RUSC2: variants seen among roughly 807,000 people sequenced by gnomAD.
RUSC2 encodes the protein AP-4 complex accessory subunit RUSC2.
A neutral mutation model predicts 122.2 loss-of-function variants in RUSC2; 34 were observed. The ratio of observed to expected loss-of-function variants is 0.28; its 90% CI spans 0.21 to 0.37. The LOEUF (loss-of-function observed/expected upper bound fraction) is 0.37. RUSC2 is among the 10% of genes least tolerant of loss of function. RUSC2 has a pLI of 1.00. For synonymous variants in RUSC2, 784 were observed against 790.0 expected (o/e 0.99, Z 0.13); for missense variants, 1,747 against 1,952.4 (o/e 0.89, Z 1.98).
In RUSC2 at chr9:35,517,687, G is replaced by A. The variant is rs552965963; in HGVS notation, c.-93+27515G>A. Among the ~76,000 whole-genome samples the A allele has an allele frequency of 2.0e-5, 3 of 152,296 alleles. No homozygotes were observed. The East Asian group carries it at 5.8e-4, about 29-fold the overall frequency. On this transcript the variant is annotated intron_variant, in intron 1 of 11. Coordinates refer to ENST00000361226, the MANE Select transcript of RUSC2 (RefSeq NM_014806.5). ...AACCAGAGGTGGGGATTATAGGCCTGAAAGAAGGGCACTGCATCTCTGGGC... is the reference window on the plus strand; with the variant it reads ...AACCAGAGGTGGGGATTATAGGCCTAAAAGAAGGGCACTGCATCTCTGGGC...
intron 1 of RUSC2, among the ~76,000 whole-genome samples, chr9:35,515,730 G>A (rs1821089499): frequency 6.6e-6 from 1 of 151,988 alleles, no homozygotes; most frequent in South Asian, 2.1e-4. Context: ...CAGACACAGT[G>A]GTTCACACCT....
In RUSC2 at chr9:35,555,540, A is replaced by G. The variant is rs770115617; in HGVS notation, c.2495A>G (p.Gln832Arg). The change falls in exon 3 of 12, where the codon CAG becomes CGG. Residue 832 changes from glutamine (Q) to arginine (R), a missense_variant. Transcript: ENST00000361226. This position sits in a 1 kb window ranked among gnomAD's most constrained non-coding sequence, Gnocchi z 4.6. ...GCTGTCCGGCCTGCCACCTCCCAGC[A>G]GCCGCAGAAGGAGGATCAGAAGATA... Reference protein sequence around the residue: ...PSAVRPATSQQPQKEDQKILT... With the variant: ...PSAVRPATSQRPQKEDQKILT... 16 of 1,614,004 alleles carry G rather than the reference A, an allele frequency of 9.9e-6. No individual in the cohort carries two copies. The highest frequency in any genetic ancestry group is 1.3e-5 in the Non-Finnish European group (15 of 1,180,018).
intron 1 of RUSC2, among the ~76,000 whole-genome samples, chr9:35,505,505 A>G (rs998608742): frequency 6.6e-6 from 1 of 152,120 alleles, no homozygotes; most frequent in African/African-American, 2.4e-5. Context: ...CCTTGTCTGG[A>G]GCTCCATTAT....
chr9:35,493,832 A>G (rs1033387482), intron 1 of RUSC2, among the ~76,000 whole-genome samples: 1 of 152,114 alleles, frequency 6.6e-6, no homozygotes, highest in Non-Finnish European at 1.5e-5. Context: ...AGGCTGAATA[A>G]TATTCCATTG....
chr9:35,537,988 G>A (rs1468261530), intron 1 of RUSC2, among the ~76,000 whole-genome samples: 1 of 152,210 alleles, frequency 6.6e-6, no homozygotes, highest in African/African-American at 2.4e-5. Context: ...GGCTGGAGCA[G>A]GGAAGGAGCA....
At chr9:35,494,887 TTTC>T (rs1564239687) in intron 1 of RUSC2, among the ~76,000 whole-genome samples, 1 of 139,706 alleles carries the variant, frequency 7.2e-6, no homozygotes, top group African/African-American at 2.6e-5. Flanking sequence ...TTCCCTCTGT[TTTC>T]TTGTTTTTTA....
rs906137071 is a variant in RUSC2, at chr9:35,549,938, A to G, written c.2014+1403A>G. Among the ~76,000 whole-genome samples the G allele has an allele frequency of 4.6e-5, 7 of 152,158 alleles. No individual in the cohort carries two copies. The South Asian group carries it at 1.2e-3, about 27-fold the overall frequency. ...TAAAAAAAAAGTAATTGGGCTGGGC[A>G]CAGTGGCTTACACCTGTAATCCCAG... On this transcript the variant is annotated intron_variant, in intron 2 of 11. Transcript: ENST00000361226.
Position 35,555,656 on chromosome 9 carries a change from G to T in RUSC2, c.2611G>T (p.Ala871Ser), listed in dbSNP as rs762635854. 68 of 1,606,364 alleles carry T rather than the reference G, an allele frequency of 4.2e-5. No homozygotes were observed. In the South Asian group the frequency reaches 7.3e-4, roughly 17 times the overall value. ...TGGCCTCAGCCGAGCAGAGAGCCTG[G>T]CCCGGGGAGGTGGTGAGGGCAGCAT... ...RSGLSRAESL[A>S]RGGGEGSMAT... The change falls in exon 3 of 12, where the codon GCC becomes TCC. Residue 871 changes from alanine (A) to serine (S), a missense_variant. Physicochemically the swap from Ala to Ser is moderately conservative, Grantham distance 99 (BLOSUM62 1). Transcript: ENST00000361226. The surrounding 1 kb of genome is among the most constrained non-coding windows in gnomAD (Gnocchi z 4.6).
rs372391337 is a variant in RUSC2 at position 35,557,984 on chromosome 9, G to A, written c.3054G>A (p.Gly1018=). The part of the protein sequence containing the change: ...VAHFGTSRDP[G]VKAKLGNSSV... Reference sequence around the variant, plus strand: ...ATTTTGGCACAAGCCGGGATCCCGGGGTGAAGGTAGGCAAGGAAATGTGGA... The same window carrying A: ...ATTTTGGCACAAGCCGGGATCCCGGAGTGAAGGTAGGCAAGGAAATGTGGA... The change falls in exon 6 of 12, where the codon GGG becomes GGA. Residue 1018 remains glycine, a synonymous_variant. Coordinates refer to ENST00000361226, the MANE Select transcript of RUSC2 (RefSeq NM_014806.5). The surrounding 1 kb of genome is among the most constrained non-coding windows in gnomAD (Gnocchi z 4.6). The A allele has an allele frequency of 1.9e-6, 3 of 1,614,116 alleles. No homozygotes were observed. Among genetic ancestry groups the A allele is most frequent in the East Asian group, 4.5e-5 (2 of 44,884 alleles).
intron 1 of RUSC2, among the ~76,000 whole-genome samples, chr9:35,492,252 T>C (rs1238732892): frequency 6.6e-6 from 1 of 152,146 alleles, no homozygotes; most frequent in African/African-American, 2.4e-5. Context: ...TTGCTAAATC[T>C]GGCAAGTTCA....
At chr9:35,553,530 T>C (rs182441624) in intron 2 of RUSC2, among the ~76,000 whole-genome samples, 6 of 152,224 alleles carry the variant, frequency 3.9e-5, no homozygotes, top group East Asian at 3.9e-4. Flanking sequence ...TGAAACAGGG[T>C]AATGGGATAG....
At chr9:35,498,052 G>A (rs1245706460) in intron 1 of RUSC2, among the ~76,000 whole-genome samples, 1 of 152,100 alleles carries the variant, frequency 6.6e-6, no homozygotes, top group Non-Finnish European at 1.5e-5. Context: ...AAAATGCTTA[G>A]GGTATTTGCA....
At chr9:35,512,334 T>C (rs1821025631) in intron 1 of RUSC2, among the ~76,000 whole-genome samples, 1 of 152,268 alleles carries the variant, frequency 6.6e-6, no homozygotes, top group African/African-American at 2.4e-5. Context: ...TAAGGCATTT[T>C]AGAACTTTGA....
intron 1 of RUSC2, among the ~76,000 whole-genome samples, chr9:35,496,626 G>C (rs1820719210): frequency 6.6e-6 from 1 of 152,160 alleles, no homozygotes; most frequent in African/African-American, 2.4e-5. Context: ...TGTTATGAAT[G>C]TAACATGTAA....
rs1446474897 is a variant in RUSC2 at position 35,560,957 on chromosome 9, T to C, written c.4212-3T>C. On this transcript the variant is annotated splice_polypyrimidine_tract_variant and splice_region_variant and intron_variant, in intron 10 of 11. Coordinates refer to ENST00000361226, the MANE Select transcript of RUSC2 (RefSeq NM_014806.5). Reference sequence around the variant, plus strand: ...AGAGCCTGAGTCCAGCTGCTGTCCCTAGGCTCCCCTCGGACTGGCTGAGCC... The same window carrying C: ...AGAGCCTGAGTCCAGCTGCTGTCCCCAGGCTCCCCTCGGACTGGCTGAGCC... 1.9e-6 allele frequency: 3 copies of C among 1,613,446 alleles called. No homozygotes were observed. In the South Asian group the frequency reaches 3.3e-5, roughly 18 times the overall value.
chr9:35,550,737 G>A (rs1343193658), intron 2 of RUSC2, among the ~76,000 whole-genome samples: 5 of 152,154 alleles, frequency 3.3e-5, no homozygotes, highest in Non-Finnish European at 7.3e-5. Flanking sequence ...CTTAAGGGAT[G>A]AGCAGCACCC....
In RUSC2 at chr9:35,550,938, G is replaced by A. The variant is rs745974191; in HGVS notation, c.2014+2403G>A. 4.6e-5 allele frequency among the ~76,000 whole-genome samples: 7 copies of A among 151,952 alleles called. No individual in the cohort carries two copies. In the East Asian group the frequency reaches 7.8e-4, roughly 17 times the overall value. ...AAATACAAAAATTAGGTGTGGTGGC[G>A]GGTGCCTGTAGTTCCAGCTACATGG... On this transcript the variant is annotated intron_variant, in intron 2 of 11. Coordinates refer to ENST00000361226, the MANE Select transcript of RUSC2 (RefSeq NM_014806.5).
rs200887792 is a variant in RUSC2, at chr9:35,548,188, G to A, written c.1667G>A (p.Gly556Asp). 7.3e-5 allele frequency: 117 copies of A among 1,613,254 alleles called. No individual in the cohort carries two copies. The highest frequency in any genetic ancestry group is 1.2e-4 in the Admixed American group (7 of 60,002). ...ELAKGRKKTG[G>D]SGSPPLRVSV... ...GCCAAGGGCCGGAAGAAAACTGGAG[G>A]CTCTGGCTCGCCCCCACTTCGTGTG... is the stretch of plus-strand genomic sequence containing the variant. The change falls in exon 2 of 12, where the codon GGC becomes GAC. Residue 556 changes from glycine to aspartate, a missense_variant. Coordinates refer to ENST00000361226, the MANE Select transcript of RUSC2 (RefSeq NM_014806.5). This position sits in a 1 kb window ranked among gnomAD's most constrained non-coding sequence, Gnocchi z 4.5.
intron 1 of RUSC2, among the ~76,000 whole-genome samples, chr9:35,499,690 G>A (rs1201946624): frequency 6.6e-6 from 1 of 152,132 alleles, no homozygotes; most frequent in African/African-American, 2.4e-5. Flanking sequence ...TATACTTTGT[G>A]CTTCCTTTCT....
Sources: allele counts gnomAD v4.1 joint callset (sites outside exome capture counted in the v4.1 genomes callset), GRCh38; gene constraint gnomAD v4.1.1; non-coding constraint Gnocchi (gnomAD v3.1); transcripts MANE v1.5; gene names NCBI Gene and HGNC (gene_info 2026-07-23, HGNC 2026-07-21).